The following GALNT13 variants were observed in gnomAD, a reference collection of about 807,000 sequenced individuals.
GALNT13 encodes the protein polypeptide N-acetylgalactosaminyltransferase 13.
GALNT13 carries 28 observed loss-of-function variants against 64.2 expected under a neutral mutation model. That is an observed-to-expected ratio of 0.44 (90% CI 0.32 to 0.60). The LOEUF is 0.60. Among genes scored for constraint, GALNT13 ranks in the 20% least tolerant of loss-of-function variants. The probability of loss-of-function intolerance (pLI) is 0.05; values close to 1 mark genes in which losing one functional copy is unlikely to be tolerated. For synonymous variants in GALNT13, 214 were observed against 224.6 expected (o/e 0.95, Z 0.42); for missense variants, 577 against 669.8 (o/e 0.86, Z 1.53).
At chr2:153,180,836 TC>T in the GALNT13 span, among the ~76,000 whole-genome samples, 22 of 151,948 alleles carry the variant, frequency 1.4e-4, no homozygotes, top group Admixed American at 1.4e-3. Flanking sequence ...ATCTAGTTGC[TC>T]ATAATAGTCG....
the GALNT13 span, among the ~76,000 whole-genome samples, chr2:153,422,953 ATC>A: frequency 6.6e-6 from 1 of 152,018 alleles, no homozygotes; most frequent in Non-Finnish European, 1.5e-5. Context: ...GTTTGATAGT[ATC>A]TATTTTATTC....
At chr2:153,773,138 G>A in the GALNT13 span, among the ~76,000 whole-genome samples, 2 of 152,208 alleles carry the variant, frequency 1.3e-5, no homozygotes, top group Non-Finnish European at 2.9e-5. Context: ...CCTTGACCAG[G>A]TGGTACTGCT....
chr2:153,204,471 C>T, the GALNT13 span, among the ~76,000 whole-genome samples: 2 of 152,096 alleles, frequency 1.3e-5, no homozygotes, highest in East Asian at 3.9e-4. Context: ...TTTAGTTATA[C>T]TTACTGGCTT....
At chr2:153,384,398 C>T in the GALNT13 span, among the ~76,000 whole-genome samples, 1 of 151,964 alleles carries the variant, frequency 6.6e-6, no homozygotes, top group African/African-American at 2.4e-5. Context: ...AAGGGACTAC[C>T]CTTAGAAGCA....
the GALNT13 span, among the ~76,000 whole-genome samples, chr2:153,655,487 A>G: frequency 3.3e-5 from 5 of 152,120 alleles, no homozygotes; most frequent in African/African-American, 9.7e-5. Flanking sequence ...TGAGAGATAC[A>G]TGTATTTGTG....
intron 9 of GALNT13, among the ~76,000 whole-genome samples, chr2:154,377,068 C>T (rs958653917): frequency 6.6e-6 from 1 of 152,072 alleles, no homozygotes; most frequent in South Asian, 2.1e-4. Context: ...ATAATTCTAC[C>T]TGCAGGATTA....
At chr2:153,915,428 G>A (rs1689261728) in intron 2 of GALNT13, among the ~76,000 whole-genome samples, 1 of 151,984 alleles carries the variant, frequency 6.6e-6, no homozygotes, top group Non-Finnish European at 1.5e-5. Context: ...TGTTCTGTTG[G>A]CCAATTCTGA....
the GALNT13 span, among the ~76,000 whole-genome samples, chr2:153,749,687 G>T: frequency 6.6e-6 from 1 of 151,774 alleles, no homozygotes; most frequent in Non-Finnish European, 1.5e-5. Flanking sequence ...TGTTGATTTT[G>T]CATCTGGCAA....
the GALNT13 span, among the ~76,000 whole-genome samples, chr2:153,688,018 T>G: frequency 6.6e-6 from 1 of 152,038 alleles, no homozygotes; most frequent in Non-Finnish European, 1.5e-5. Context: ...TATGCCAAAG[T>G]AACTACACAG....
chr2:153,154,358 C>A, the GALNT13 span, among the ~76,000 whole-genome samples: 1 of 152,142 alleles, frequency 6.6e-6, no homozygotes. Context: ...GATTATAAGT[C>A]CTCCCCAGTG....
intron 4 of GALNT13, among the ~76,000 whole-genome samples, chr2:154,238,998 A>T (rs973002568): frequency 3.3e-5 from 5 of 152,130 alleles, no homozygotes; most frequent in Non-Finnish European, 5.9e-5. Context: ...CTGTTTACAC[A>T]GGAAGAAGAG....
the GALNT13 span, among the ~76,000 whole-genome samples, chr2:153,130,369 T>A: frequency 6.6e-6 from 1 of 152,056 alleles, no homozygotes; most frequent in African/African-American, 2.4e-5. Flanking sequence ...TGGCTCCCAT[T>A]AGGTACAATC....
chr2:153,497,186 T>A, the GALNT13 span, among the ~76,000 whole-genome samples: 1 of 152,144 alleles, frequency 6.6e-6, no homozygotes, highest in East Asian at 1.9e-4. Flanking sequence ...GACTGTGGAA[T>A]TCTTTTCTGC....
intron 2 of GALNT13, among the ~76,000 whole-genome samples, chr2:153,942,190 A>G (rs568617810): frequency 8.5e-5 from 13 of 152,212 alleles, no homozygotes; most frequent in Admixed American, 8.5e-4. Flanking sequence ...ATTTTGTGAG[A>G]TTGATGGGGC....
chr2:153,643,814 T>C, the GALNT13 span, among the ~76,000 whole-genome samples: 1 of 152,036 alleles, frequency 6.6e-6, no homozygotes, highest in African/African-American at 2.4e-5. Flanking sequence ...TCATTTAATG[T>C]AATTTATTGT....
the GALNT13 span, among the ~76,000 whole-genome samples, chr2:153,340,676 G>T: frequency 6.6e-6 from 1 of 151,838 alleles, no homozygotes. Flanking sequence ...AAAGTGGTGA[G>T]AGTTGGCATA....
the GALNT13 span, among the ~76,000 whole-genome samples, chr2:153,505,444 C>G: frequency 6.6e-6 from 1 of 152,018 alleles, no homozygotes; most frequent in Admixed American, 6.6e-5. Flanking sequence ...CCTTGTTTCT[C>G]TAGTTTTGTG....
the GALNT13 span, among the ~76,000 whole-genome samples, chr2:153,143,546 C>T: frequency 2.0e-5 from 3 of 152,144 alleles, no homozygotes; most frequent in Non-Finnish European, 4.4e-5. Context: ...ATACTGCCTG[C>T]ATTGAATTGA....
rs138619550 is a variant in GALNT13 at position 153,903,185 on chromosome 2, T to C, written c.-105+2178T>C. Among the ~76,000 whole-genome samples, 720 of 152,090 alleles carry C rather than the reference T, an allele frequency of 4.7e-3. 7 individuals carry two copies. Among genetic ancestry groups the C allele is most frequent in the Admixed American group, 0.013 (198 of 15,218 alleles). On this transcript the variant is annotated intron_variant, in intron 2 of 12. Coordinates refer to ENST00000392825, the MANE Select transcript of GALNT13 (RefSeq NM_052917.4). ...ATTATAAGTTACGATAGTAAACATG[T>C]CATCTTAATCTGATTTGTCTTCCTT...
Sources: gnomAD v4.1 joint callset for allele counts (sites outside exome capture counted in the v4.1 genomes callset) on GRCh38, gnomAD v4.1.1 for gene constraint, MANE v1.5 for transcripts, NCBI Gene and HGNC (gene_info 2026-07-23, HGNC 2026-07-21) for gene names.